Variants in ZNF676 observed in about 807,000 individuals in gnomAD.
ZNF676 encodes the protein zinc finger protein 676.
ZNF676 carries 4 observed loss-of-function variants against 6.0 expected under a neutral mutation model. The ratio of observed to expected loss-of-function variants is 0.67; its 90% CI spans 0.33 to 1.53. The LOEUF (loss-of-function observed/expected upper bound fraction) is 1.53. ZNF676 is among the 40% of genes most tolerant of loss of function. The pLI is 0.06. For missense variants in ZNF676, 644 were observed against 679.7 expected, an observed-to-expected ratio of 0.95 and a Z score of 0.58; for synonymous variants, 198 against 223.1, an observed-to-expected ratio of 0.89 and a Z score of 1.00.
At chr19:22,231,970 AC>A in the ZNF676 span, among the ~76,000 whole-genome samples, 4 of 152,136 alleles carry the variant, frequency 2.6e-5, no homozygotes, top group African/African-American at 9.7e-5. Context: ...CTCTACAGAG[AC>A]AAAACAAGCC....
chr19:22,209,275 A>T (rs2024107352), intron 1 of ZNF676, among the ~76,000 whole-genome samples: 1 of 152,028 alleles, frequency 6.6e-6, no homozygotes. Flanking sequence ...ACAAACAAAC[A>T]AACAAATATG....
chr19:22,200,400 G>A (rs2024012859), upstream of ZNF676, among the ~76,000 whole-genome samples: 1 of 150,520 alleles, frequency 6.6e-6, no homozygotes, highest in South Asian at 2.1e-4. Flanking sequence ...AGCCCAAGTT[G>A]TTTTTTGCAC....
upstream of ZNF676, chr19:22,215,804 C>T (rs536123462): frequency 6.7e-5 from 46 of 684,164 alleles, no homozygotes; most frequent in South Asian, 1.3e-4. Flanking sequence ...CTGTCCCCCC[C>T]CCCAGCTGCC....
chr19:22,183,916 ATGTG>A lies in ZNF676; in HGVS notation c.131-2334_131-2331del, dbSNP rs533765428. The stretch of plus-strand genomic sequence containing the variant: ...AACTGGGAATCTGTGAAAAATCTGA[ATGTG>A]TGTATGTGTGTGTCTCACATTAGGA... On this transcript the variant is annotated intron_variant, in intron 2 of 2. Transcript: ENST00000397121. Among the ~76,000 whole-genome samples the A allele has an allele frequency of 2.8e-3, 424 of 152,328 alleles. 2 individuals carry two copies. The highest frequency in any genetic ancestry group is 9.7e-3 in the African/African-American group (404 of 41,560).
At chr19:22,182,608 C>CAA (rs140776570) in intron 2 of ZNF676, among the ~76,000 whole-genome samples, 3 of 75,236 alleles carry the variant, frequency 4.0e-5, no homozygotes, top group African/African-American at 1.3e-4. Context: ...AAAAAGCAAA[C>CAA]AAAAAAAAGA....
intron 1 of ZNF676, among the ~76,000 whole-genome samples, chr19:22,211,342 G>T (rs2024128003): frequency 6.6e-6 from 1 of 151,978 alleles, no homozygotes; most frequent in Non-Finnish European, 1.5e-5. Flanking sequence ...GGAACTAAAT[G>T]GGCCTTTAAT....
intron 1 of ZNF676, among the ~76,000 whole-genome samples, chr19:22,210,842 A>G (rs1357080840): frequency 6.6e-6 from 1 of 152,172 alleles, no homozygotes; most frequent in Non-Finnish European, 1.5e-5. Context: ...AGTCCGAGCC[A>G]CCATACAACC....
chr19:22,184,288 G>A (rs1177215192), intron 2 of ZNF676, among the ~76,000 whole-genome samples: 1 of 152,108 alleles, frequency 6.6e-6, no homozygotes, highest in Non-Finnish European at 1.5e-5. Context: ...CAAAGGAAGG[G>A]TTTAGGGACT....
At chr19:22,212,199 CAAAAAAAAA>C (rs34421901) in intron 1 of ZNF676, among the ~76,000 whole-genome samples, 4 of 119,144 alleles carry the variant, frequency 3.4e-5, no homozygotes, top group Non-Finnish European at 6.9e-5. Flanking sequence ...GATTCTGTCT[CAAAAAAAAA>C]AAAAAAGAAA....
chr19:22,248,296 A>C, the ZNF676 span, among the ~76,000 whole-genome samples: 5 of 152,268 alleles, frequency 3.3e-5, no homozygotes, highest in African/African-American at 9.6e-5. Flanking sequence ...TGGTATTTCT[A>C]GTTCTAGATC....
the ZNF676 span, among the ~76,000 whole-genome samples, chr19:22,230,044 C>A: frequency 2.6e-5 from 4 of 152,136 alleles, no homozygotes; most frequent in African/African-American, 9.7e-5. Context: ...AAGACACATG[C>A]ACACGTATGT....
At chr19:22,250,156 TG>T in the ZNF676 span, among the ~76,000 whole-genome samples, 1 of 150,254 alleles carries the variant, frequency 6.7e-6, no homozygotes, top group Non-Finnish European at 1.5e-5. Context: ...CACTCCACCC[TG>T]GGTGACAAGA....
At chr19:22,215,049 A>AAC (rs2024169063) in intron 1 of ZNF676, among the ~76,000 whole-genome samples, 3 of 111,394 alleles carry the variant, frequency 2.7e-5, no homozygotes, top group African/African-American at 1.3e-4. Flanking sequence ...TCAAAAAAAA[A>AAC]AAAAAAAAAA....
chr19:22,221,748 C>CAA, the ZNF676 span, among the ~76,000 whole-genome samples: 2 of 146,290 alleles, frequency 1.4e-5, no homozygotes, highest in Non-Finnish European at 3.0e-5. Context: ...AAGACTGTCA[C>CAA]AAAAAAAAAA....
the ZNF676 span, among the ~76,000 whole-genome samples, chr19:22,222,682 C>G: frequency 5.4e-3 from 822 of 152,036 alleles, 5 homozygotes; most frequent in African/African-American, 0.019. Context: ...CTGTTGGGCC[C>G]CCATATTTAT....
intron 2 of ZNF676, among the ~76,000 whole-genome samples, chr19:22,189,505 C>CCAAAATTGA (rs2023877066): frequency 1.3e-5 from 2 of 152,092 alleles, no homozygotes; most frequent in East Asian, 3.9e-4. Flanking sequence ...GCAATGAAAG[C>CCAAAATTGA]CAAAATTGAC....
At chr19:22,214,716 C>T (rs1347393213) in intron 1 of ZNF676, among the ~76,000 whole-genome samples, 1 of 151,050 alleles carries the variant, frequency 6.6e-6, no homozygotes, top group Non-Finnish European at 1.5e-5. Flanking sequence ...ATTACATAAC[C>T]AAGAAATTTC....
upstream of ZNF676, among the ~76,000 whole-genome samples, chr19:22,215,914 G>A (rs73930543): frequency 4.6e-3 from 707 of 152,270 alleles, 8 homozygotes; most frequent in African/African-American, 0.016. Flanking sequence ...TCAGATGCTG[G>A]GCTGAATGAA....
chr19:22,228,076 C>A, the ZNF676 span, among the ~76,000 whole-genome samples: 7 of 152,152 alleles, frequency 4.6e-5, no homozygotes, highest in Admixed American at 3.9e-4. Flanking sequence ...GGCCAATATC[C>A]CTGATGAACA....
Sources: allele counts gnomAD v4.1 joint callset (sites outside exome capture counted in the v4.1 genomes callset), GRCh38; gene constraint gnomAD v4.1.1; transcripts MANE v1.5; gene names NCBI Gene and HGNC (gene_info 2026-07-23, HGNC 2026-07-21).